The following KLHL1 variants were observed in gnomAD, a reference collection of about 807,000 sequenced individuals.
KLHL1 encodes kelch-like protein 1.
A neutral mutation model predicts 77.7 loss-of-function variants in KLHL1; 47 were observed. That is an observed-to-expected ratio of 0.60 (90% CI 0.48 to 0.77). KLHL1 has a LOEUF of 0.77. Among genes scored for constraint, KLHL1 ranks in the 30% least tolerant of loss-of-function variants. The probability of loss-of-function intolerance (pLI) is 0.00; values close to 1 mark genes in which losing one functional copy is unlikely to be tolerated. For missense variants in KLHL1, 925 were observed against 910.8 expected (o/e 1.02, Z -0.20); for synonymous variants, 360 against 325.2 (o/e 1.11, Z -1.15).
rs1354830273 is a variant in KLHL1 at position 69,827,872 on chromosome 13, A to ATCTACC, written c.1414+11103_1414+11104insGGTAGA. 1.0e-4 allele frequency among the ~76,000 whole-genome samples: 14 copies of ATCTACC among 136,090 alleles called. 1 individual carries two copies. The highest frequency in any genetic ancestry group is 4.3e-4 in the African/African-American group (14 of 32,600). 89.3% of individuals were successfully genotyped at this position (136,090 alleles called of 152,430 possible). A position where few individuals can be genotyped will look rare whatever the true frequency, so the allele number is the denominator to read the frequency against. On this transcript the variant is annotated intron_variant, in intron 6 of 10. Transcript: ENST00000377844. ...AAAACTCTACTTACTAAATGGTAGA[A>ATCTACC]ACTAAAAAAGTTTCTTAATCTCTTC...
At chr13:69,993,867 G>A (rs1173237467) in intron 1 of KLHL1, among the ~76,000 whole-genome samples, 1 of 152,024 alleles carries the variant, frequency 6.6e-6, no homozygotes, top group Non-Finnish European at 1.5e-5. Flanking sequence ...CATCAGAATG[G>A]GAATTTGAAA....
At chr13:70,066,725 G>GACAAA (rs1728457635) in intron 1 of KLHL1, among the ~76,000 whole-genome samples, 1 of 152,118 alleles carries the variant, frequency 6.6e-6, no homozygotes, top group Admixed American at 6.5e-5. Flanking sequence ...TGTCAAAGCT[G>GACAAA]GAATTATAAC....
chr13:69,930,451 A>G (rs1163587655), intron 4 of KLHL1, among the ~76,000 whole-genome samples: 1 of 151,850 alleles, frequency 6.6e-6, no homozygotes, highest in Non-Finnish European at 1.5e-5. Context: ...AGAGTACTTG[A>G]GAATAGTTGA....
intron 7 of KLHL1, among the ~76,000 whole-genome samples, chr13:69,786,089 C>T (rs1011464518): frequency 6.6e-6 from 1 of 152,116 alleles, no homozygotes; most frequent in Non-Finnish European, 1.5e-5. Flanking sequence ...CAAGGAGGAG[C>T]TGGTACCATT....
chr13:70,008,266 C>A (rs575695863), intron 1 of KLHL1, among the ~76,000 whole-genome samples: 1 of 151,996 alleles, frequency 6.6e-6, no homozygotes, highest in African/African-American at 2.4e-5. Flanking sequence ...TATTGTTATT[C>A]TTCTCTGATC....
At chr13:69,785,734 G>C (rs1211165239) in intron 7 of KLHL1, among the ~76,000 whole-genome samples, 1 of 152,020 alleles carries the variant, frequency 6.6e-6, no homozygotes, top group African/African-American at 2.4e-5. Flanking sequence ...TTTTTGAAAA[G>C]ATCAACAAAA....
chr13:70,107,706 C>T lies in KLHL1; in HGVS notation c.-7G>A. On this transcript the variant is annotated 5_prime_UTR_variant, in exon 1 of 11. Coordinates refer to ENST00000377844, the MANE Select transcript of KLHL1 (RefSeq NM_020866.3). The stretch of plus-strand genomic sequence containing the variant: ...TTCGCCCAGAGCCTGACATGCTTTA[C>T]GCACAGAAGGCAAAAGGCTGGCAGC... 3.3e-6 allele frequency: 5 copies of T among 1,514,188 alleles called. No homozygotes were observed. The highest frequency in any genetic ancestry group is 1.4e-5 in the African/African-American group (1 of 71,874). The allele number at this position is 1,514,188 out of a possible 1,614,324, so 93.8% of individuals were successfully genotyped here.
chr13:69,847,819 GT>G (rs1157757032), intron 5 of KLHL1, among the ~76,000 whole-genome samples: 1 of 151,400 alleles, frequency 6.6e-6, no homozygotes, highest in Non-Finnish European at 1.5e-5. Context: ...ATAAATGACA[GT>G]TTCATAGCTT....
chr13:70,016,249 T>A (rs1001553418), intron 1 of KLHL1, among the ~76,000 whole-genome samples: 3 of 152,188 alleles, frequency 2.0e-5, no homozygotes, highest in African/African-American at 7.2e-5. Flanking sequence ...CCAGCTGCAG[T>A]GAGGGCTGTG....
intron 1 of KLHL1, among the ~76,000 whole-genome samples, chr13:70,033,885 A>G (rs1389869696): frequency 1.3e-5 from 2 of 152,002 alleles, no homozygotes; most frequent in Admixed American, 1.3e-4. Context: ...CTCTGGGATT[A>G]CAGGCGTTAG....
At chr13:69,983,576 C>CAAAAAAAAAAAAAAAAAAAAAA (rs1282357751) in intron 1 of KLHL1, among the ~76,000 whole-genome samples, 7 of 40,748 alleles carry the variant, frequency 1.7e-4, no homozygotes, top group African/African-American at 3.4e-4. Flanking sequence ...CCTATCTTTA[C>CAAAAAAAAAAAAAAAAAAAAAA]AAAAAAAAAA....
At chr13:70,046,898 T>C (rs1487777830) in intron 1 of KLHL1, among the ~76,000 whole-genome samples, 2 of 152,218 alleles carry the variant, frequency 1.3e-5, no homozygotes, top group Non-Finnish European at 2.9e-5. Flanking sequence ...GGAAATTGTT[T>C]TGCTCGAGAT....
At chr13:69,878,496 A>C (rs893376372) in intron 5 of KLHL1, among the ~76,000 whole-genome samples, 41 of 152,230 alleles carry the variant, frequency 2.7e-4, no homozygotes, top group African/African-American at 9.4e-4. Flanking sequence ...TTCCTTTTGA[A>C]AATCATCTCT....
chr13:69,797,226 A>ACAT (rs1453630925), intron 6 of KLHL1, among the ~76,000 whole-genome samples: 1 of 152,202 alleles, frequency 6.6e-6, no homozygotes, highest in East Asian at 1.9e-4. Context: ...TTCTATAGAA[A>ACAT]CATTGGTGAG....
chr13:69,775,976 C>T (rs1403258742), intron 7 of KLHL1, among the ~76,000 whole-genome samples: 1 of 150,684 alleles, frequency 6.6e-6, no homozygotes, highest in Non-Finnish European at 1.5e-5. Flanking sequence ...CATGGTGAAG[C>T]CCTGTCTCTA....
intron 3 of KLHL1, among the ~76,000 whole-genome samples, chr13:69,947,662 G>A (rs1212739483): frequency 1.3e-5 from 2 of 151,932 alleles, no homozygotes; most frequent in African/African-American, 4.8e-5. Flanking sequence ...TTCTCAAAGA[G>A]TTTTAATATT....
intron 1 of KLHL1, among the ~76,000 whole-genome samples, chr13:70,082,986 G>A (rs2137432023): frequency 6.6e-6 from 1 of 152,080 alleles, no homozygotes; most frequent in East Asian, 1.9e-4. Flanking sequence ...AGGGAAGGAG[G>A]GGCCCAGGGT....
At chr13:70,105,671 G>T (rs1252235774) in intron 1 of KLHL1, among the ~76,000 whole-genome samples, 1 of 151,002 alleles carries the variant, frequency 6.6e-6, no homozygotes, top group Non-Finnish European at 1.5e-5. Flanking sequence ...CTCAACAAAA[G>T]GGTATAAAAA....
intron 5 of KLHL1, among the ~76,000 whole-genome samples, chr13:69,862,735 AAG>A (rs1285979494): frequency 6.6e-6 from 1 of 151,852 alleles, no homozygotes. Flanking sequence ...TAGGAAGAGG[AAG>A]AGAGAGATCT....
Sources: allele counts gnomAD v4.1 joint callset (sites outside exome capture counted in the v4.1 genomes callset), GRCh38; gene constraint gnomAD v4.1.1; transcripts MANE v1.5; gene names NCBI Gene and HGNC (gene_info 2026-07-23, HGNC 2026-07-21).